The following CWC25 variants were observed in gnomAD, a reference collection of about 807,000 sequenced individuals.
CWC25 encodes the protein CWC25 spliceosome associated protein, also known as pre-mRNA-splicing factor CWC25 homolog.
CWC25 carries 31 observed loss-of-function variants against 54.6 expected under a neutral mutation model. The ratio of observed to expected loss-of-function variants is 0.57; its 90% confidence interval spans 0.43 to 0.77. The LOEUF is 0.77. CWC25 is among the 30% of genes least tolerant of loss of function. The probability of loss-of-function intolerance (pLI) is 0.00; values close to 1 mark genes in which losing one functional copy is unlikely to be tolerated. For missense variants in CWC25, 453 were observed against 529.3 expected (o/e 0.86, Z 1.41); for synonymous variants, 151 against 187.0 (o/e 0.81, Z 1.57).
chr17:38,823,159 C>CTTTTTTTTT (rs35287371), intron 1 of CWC25, among the ~76,000 whole-genome samples: 1 of 122,440 alleles, frequency 8.2e-6, no homozygotes, highest in Non-Finnish European at 1.7e-5. Context: ...TTTTTTTTAA[C>CTTTTTTTTT]TTTTTTTTTT....
At chr17:38,812,941 A>T (rs1305399490) in intron 3 of CWC25, 77 bp from the exon 4 acceptor site, 1 of 813,450 alleles carries the variant, frequency 1.2e-6, no homozygotes, top group Non-Finnish European at 2.0e-6. Context: ...CTCCAAACAT[A>T]TACAGACAAA....
intron 3 of CWC25, among the ~76,000 whole-genome samples, chr17:38,814,540 G>A (rs1434686849): frequency 1.3e-5 from 2 of 151,462 alleles, no homozygotes; most frequent in Non-Finnish European, 1.5e-5. Flanking sequence ...TCAGGAGATC[G>A]AGACCATCCT....
At chr17:38,808,531 A>G (rs1430863096) in intron 6 of CWC25, among the ~76,000 whole-genome samples, 1 of 141,872 alleles carries the variant, frequency 7.0e-6, no homozygotes, top group Non-Finnish European at 1.6e-5. Flanking sequence ...CTATAATCCC[A>G]GCACTTTGGG....
Position 38,825,251 on chromosome 17 carries a change from G to T in CWC25, c.-68C>A. 6.6e-7 allele frequency: 1 copy of T among 1,517,868 alleles called. No homozygotes were observed. Among genetic ancestry groups the T allele is most frequent in the Non-Finnish European group, 8.9e-7 (1 of 1,122,772 alleles). 94.0% of individuals were successfully genotyped at this position (1,517,868 alleles called of 1,614,324 possible). On this transcript the variant is annotated 5_prime_UTR_variant, in exon 1 of 10. Transcript: ENST00000614790. ...CGGGAGGATCAAGAGAAAACGTAGAGAAATAGTTCGGGGGCTACCTCGCGG... is the reference window on the plus strand; with the variant it reads ...CGGGAGGATCAAGAGAAAACGTAGATAAATAGTTCGGGGGCTACCTCGCGG...
In CWC25 at chr17:38,814,918, G is replaced by C. The variant is rs889789531; in HGVS notation, c.371C>G (p.Ala124Gly). 9.3e-6 allele frequency: 15 copies of C among 1,613,504 alleles called. No homozygotes were observed. Among genetic ancestry groups the C allele is most frequent in the Non-Finnish European group, 1.1e-5 (13 of 1,179,854 alleles). ...LPGSIFAPSG[A>G]NSLLDMASKI... ...GCTGGCCATGTCAAGAAGGGAATTG[G>C]CACCTGATGGGGCAAAGATAGAGCC... is the stretch of plus-strand genomic sequence containing the variant. The change falls in exon 3 of 10, where the codon GCC becomes GGC. Residue 124 changes from alanine (A) to glycine (G), a missense_variant. Around this residue, in one of 2 missense-constraint regions of CWC25, gnomAD observed 444 missense variants for 499.2 expected, o/e 0.89. Transcript: ENST00000614790.
intron 4 of CWC25, among the ~76,000 whole-genome samples, chr17:38,810,995 G>A (rs1436086931): frequency 2.7e-5 from 4 of 150,610 alleles, no homozygotes; most frequent in Admixed American, 2.0e-4. Context: ...CACTTTGAGA[G>A]GCTGAGGTGG....
chr17:38,823,147 C>T (rs1567677012), intron 1 of CWC25, among the ~76,000 whole-genome samples: 4 of 144,142 alleles, frequency 2.8e-5, no homozygotes, highest in Non-Finnish European at 6.1e-5. Context: ...CTGACTCCAA[C>T]TTTTTTTTTA....
chr17:38,803,510 A>G (rs1486338186), intron 8 of CWC25, among the ~76,000 whole-genome samples: 1 of 152,070 alleles, frequency 6.6e-6, no homozygotes, highest in Non-Finnish European at 1.5e-5. Context: ...TGTGCCTGTA[A>G]TCCCAGCTAC....
intron 8 of CWC25, among the ~76,000 whole-genome samples, chr17:38,805,181 A>G (rs1315597059): frequency 6.6e-6 from 1 of 152,004 alleles, no homozygotes; most frequent in Non-Finnish European, 1.5e-5. Context: ...AGGCTGGGAC[A>G]GGAGAATCAC....
intron 1 of CWC25, among the ~76,000 whole-genome samples, chr17:38,821,883 C>T (rs1911940140): frequency 6.6e-6 from 1 of 152,012 alleles, no homozygotes; most frequent in Non-Finnish European, 1.5e-5. Flanking sequence ...AATTCTCCTG[C>T]CTCAGCCTCC....
intron 9 of CWC25, 104 bp downstream of exon 9, chr17:38,802,596 G>C: frequency 7.5e-7 from 1 of 1,338,678 alleles, no homozygotes; most frequent in Admixed American, 2.1e-5. Flanking sequence ...CTGAAGGCTG[G>C]GCTCCATGTG....
At position 38,815,169 on chromosome 17, in the gene CWC25, T is replaced by C; in HGVS notation, c.192-72A>G. On this transcript the variant is annotated intron_variant, in intron 2 of 9. Coordinates refer to ENST00000614790, the MANE Select transcript of CWC25 (RefSeq NM_017748.5). The stretch of plus-strand genomic sequence containing the variant: ...CTTCTGCAAACCTACACCTAAAACC[T>C]GGACACAAGGGAGAGAGAACCACAG... The C allele has an allele frequency of 2.2e-6, 3 of 1,342,730 alleles. No individual in the cohort carries two copies. The South Asian group carries it at 3.9e-5, about 17-fold the overall frequency. The allele number at this position is 1,342,730 out of a possible 1,614,324, so 83.2% of individuals were successfully genotyped here.
At chr17:38,823,707 C>T (rs1045062757) in intron 1 of CWC25, among the ~76,000 whole-genome samples, 1 of 152,132 alleles carries the variant, frequency 6.6e-6, no homozygotes, top group African/African-American at 2.4e-5. Context: ...TCCGTCCTTC[C>T]TCCCTCACTC....
chr17:38,800,909 G>T lies in CWC25; in HGVS notation c.*1183C>A, dbSNP rs1013580198. 5 of 151,982 alleles carry T rather than the reference G, an allele frequency of 3.3e-5. No homozygotes were observed. The highest frequency in any genetic ancestry group is 7.4e-5 in the Non-Finnish European group (5 of 68,018). The allele number at this position is 151,982 out of a possible 1,614,324, so 9.4% of individuals were successfully genotyped here. A position where few individuals can be genotyped will look rare whatever the true frequency, so the allele number is the denominator to read the frequency against. On this transcript the variant is annotated 3_prime_UTR_variant, in exon 10 of 10. Coordinates refer to ENST00000614790, the MANE Select transcript of CWC25 (RefSeq NM_017748.5). The stretch of plus-strand genomic sequence containing the variant: ...CGCCATTCTCCTGCCTCAGCCTCCC[G>T]AGTAGCTGGGACTACAGGCGCCCGC...
chr17:38,823,432 C>G (rs1912011073), intron 1 of CWC25, among the ~76,000 whole-genome samples: 1 of 150,516 alleles, frequency 6.6e-6, no homozygotes, highest in Non-Finnish European at 1.5e-5. Context: ...GCTGGGATTA[C>G]AGGCATGAGC....
intron 5 of CWC25, 80 bp downstream of exon 5, chr17:38,810,388 C>A: frequency 2.8e-6 from 4 of 1,419,146 alleles, no homozygotes; most frequent in Non-Finnish European, 3.7e-6. Context: ...CAGCACAGGG[C>A]AGGTGTTCAT....
At chr17:38,806,011 C>A (rs532875070) in intron 8 of CWC25, among the ~76,000 whole-genome samples, 3 of 151,824 alleles carry the variant, frequency 2.0e-5, no homozygotes, top group African/African-American at 7.3e-5. Context: ...GGGGTTTCAC[C>A]GTGTTGGTTA....
intron 1 of CWC25, among the ~76,000 whole-genome samples, chr17:38,824,207 G>A (rs1317479856): frequency 1.3e-5 from 2 of 152,102 alleles, no homozygotes; most frequent in Non-Finnish European, 1.5e-5. Context: ...GCTCTTGTGG[G>A]TACATTTACC....
At chr17:38,820,368 T>C (rs1278904348) in intron 2 of CWC25, among the ~76,000 whole-genome samples, 1 of 152,228 alleles carries the variant, frequency 6.6e-6, no homozygotes, top group Non-Finnish European at 1.5e-5. Context: ...CTGCTACTCG[T>C]ATCCTATATT....
Sources: allele counts gnomAD v4.1 joint callset (sites outside exome capture counted in the v4.1 genomes callset), GRCh38; gene constraint gnomAD v4.1.1; regional missense constraint gnomAD v4.1.1; transcripts MANE v1.5; gene names NCBI Gene and HGNC (gene_info 2026-07-23, HGNC 2026-07-21).